The following MCRS1 variants were observed in gnomAD, a reference collection of about 807,000 sequenced individuals.
MCRS1 encodes microspherule protein 1, also known as 58 kDa microspherule protein.
Under a neutral mutation model 62.9 loss-of-function variants are expected in MCRS1, and 22 were observed. The ratio of observed to expected loss-of-function variants is 0.35; its 90% CI spans 0.25 to 0.50. The LOEUF (loss-of-function observed/expected upper bound fraction) is 0.50, where lower values mean the gene tolerates loss of function less well. MCRS1 is among the 20% of genes least tolerant of loss of function. The probability of loss-of-function intolerance (pLI) is 0.98; values close to 1 mark genes in which losing one functional copy is unlikely to be tolerated. For missense variants in MCRS1, 456 were observed against 601.1 expected, an observed-to-expected ratio of 0.76 and a Z score of 2.52; for synonymous variants, 244 against 233.5, an observed-to-expected ratio of 1.04 and a Z score of -0.41.
At chr12:49,565,776 A>G (rs1939026952) in intron 3 of MCRS1, 109 bp from the exon 4 acceptor site, 1 of 1,502,274 alleles carries the variant, frequency 6.7e-7, no homozygotes, top group African/African-American at 1.4e-5. Context: ...TATCTGCTCC[A>G]GCCTGCTTTC....
In MCRS1 at chr12:49,559,600, G is replaced by A. The variant is rs867674264; in HGVS notation, c.1004-65C>T. ...GCCAGAATGCAAGGCAGGGAACCAGGGCAAGGTTTATAAGGGAAGGGGGTC... is the reference window on the plus strand; with the variant it reads ...GCCAGAATGCAAGGCAGGGAACCAGAGCAAGGTTTATAAGGGAAGGGGGTC... On this transcript the variant is annotated intron_variant, in intron 11 of 14. Coordinates refer to ENST00000343810, the MANE Select transcript of MCRS1 (RefSeq NM_006337.5). The surrounding 1 kb of genome is among the most constrained non-coding windows in gnomAD (Gnocchi z 5.2). 1 of 1,599,226 alleles carries A rather than the reference G, an allele frequency of 6.3e-7. No individual in the cohort carries two copies. Among genetic ancestry groups the A allele is most frequent in the Middle Eastern group, 1.7e-4 (1 of 6,044 alleles).
Position 49,558,625 on chromosome 12 carries a change from G to A in MCRS1, c.*18C>T, listed in dbSNP as rs533884859. 10 of 1,609,402 alleles carry A rather than the reference G, an allele frequency of 6.2e-6. No homozygotes were observed. The highest frequency in any genetic ancestry group is 2.2e-5 in the East Asian group (1 of 44,832). ...GGGAAACAGGCCGGAGAGGGCCCAC[G>A]AGTCCTGCCACCACTCCTCACTGTG... On this transcript the variant is annotated 3_prime_UTR_variant, in exon 15 of 15. Coordinates refer to ENST00000343810, the MANE Select transcript of MCRS1 (RefSeq NM_006337.5).
chr12:49,565,199 T>A (rs1191104346), intron 4 of MCRS1: 4 of 985,262 alleles, frequency 4.1e-6, no homozygotes, highest in Non-Finnish European at 4.8e-6. Context: ...TGGTGCAGTG[T>A]CTAGGGCCAC....
chr12:49,565,732 GC>G (rs1302859046), intron 3 of MCRS1, 65 bp from the exon 4 acceptor site: 1 of 1,608,660 alleles, frequency 6.2e-7, no homozygotes, highest in Non-Finnish European at 8.5e-7. Flanking sequence ...CACACCCCCA[GC>G]CCCCAAAAGA....
At chr12:49,558,779 G>C (rs1938589738) in intron 14 of MCRS1, 50 bp from the exon 15 acceptor site, 1 of 1,613,526 alleles carries the variant, frequency 6.2e-7, no homozygotes, top group African/African-American at 1.3e-5. Flanking sequence ...CCAGGACCAA[G>C]TTGGTGTACT....
chr12:49,562,138 T>C (rs1399412078), intron 8 of MCRS1, among the ~76,000 whole-genome samples: 1 of 152,188 alleles, frequency 6.6e-6, no homozygotes, highest in East Asian at 1.9e-4. Context: ...TTTCCTAAAA[T>C]GCTCCTGCAG....
intron 7 of MCRS1, 73 bp downstream of exon 7, chr12:49,563,365 A>G: frequency 6.9e-7 from 1 of 1,458,272 alleles, no homozygotes; most frequent in Middle Eastern, 2.1e-4. Flanking sequence ...GGAGCTCTCC[A>G]CATCAGTGGT....
rs1431112547 is a variant in MCRS1 at position 49,564,462 on chromosome 12, G to A, written c.557+19C>T. The stretch of plus-strand genomic sequence containing the variant: ...GGTGTCCCAGTACCTCCCCACTGCT[G>A]GAACCAGCTCCCACTCACTTGGAGA... On this transcript the variant is annotated intron_variant, in intron 6 of 14. Coordinates refer to ENST00000343810, the MANE Select transcript of MCRS1 (RefSeq NM_006337.5). 3.1e-6 allele frequency: 5 copies of A among 1,599,236 alleles called. No individual in the cohort carries two copies. The highest frequency in any genetic ancestry group is 1.3e-5 in the African/African-American group (1 of 74,640).
Position 49,563,085 on chromosome 12 carries a change from C to G in MCRS1, c.721G>C (p.Ala241Pro). The change falls in exon 8 of 15, where the codon GCC (alanine) becomes CCC (proline). Residue 241 changes from alanine (A) to proline (P), a missense_variant. Ala to Pro is a conservative substitution (Grantham distance 27, BLOSUM62 -1). Around this residue, in one of 3 missense-constraint regions of MCRS1, gnomAD observed 393 missense variants for 523.5 expected, o/e 0.75. Transcript: ENST00000343810. ...TTCGCGGTACGGGCCAGGTAGAAGGCATCAGGGTGTCTGTGCAGCAGGTCC... is the reference window on the plus strand; with the variant it reads ...TTCGCGGTACGGGCCAGGTAGAAGGGATCAGGGTGTCTGTGCAGCAGGTCC... ...FQDLLHRHPD[A>P]FYLARTAKAL... The G allele has an allele frequency of 6.4e-7, 1 of 1,570,020 alleles. No individual in the cohort carries two copies. The highest frequency in any genetic ancestry group is 8.7e-7 in the Non-Finnish European group (1 of 1,155,658).
intron 6 of MCRS1, 109 bp downstream of exon 6, chr12:49,564,372 G>C (rs1218869035): frequency 1.1e-6 from 1 of 874,360 alleles, no homozygotes; most frequent in Non-Finnish European, 1.8e-6. Flanking sequence ...GCCTCCAGGA[G>C]TCCTGCCTCC....
At chr12:49,560,426 G>A (rs1938705295) in intron 8 of MCRS1, 56 bp from the exon 9 acceptor site, 5 of 1,540,748 alleles carry the variant, frequency 3.2e-6, no homozygotes, top group Non-Finnish European at 4.5e-6. Flanking sequence ...ACCCGATGCT[G>A]AGCGGACCAC....
chr12:49,559,878 T>G lies in MCRS1; in HGVS notation c.911-57A>C. ...CTCTGAGGCCACCAGCACCTTGTACTGGTCCTCTTGATTCTGGCAGGAGCT... is the reference window on the plus strand; with the variant it reads ...CTCTGAGGCCACCAGCACCTTGTACGGGTCCTCTTGATTCTGGCAGGAGCT... On this transcript the variant is annotated intron_variant, in intron 10 of 14. Transcript: ENST00000343810. This position sits in a 1 kb window ranked among gnomAD's most constrained non-coding sequence, Gnocchi z 5.2. The G allele has an allele frequency of 6.2e-7, 1 of 1,614,106 alleles. No homozygotes were observed. The highest frequency in any genetic ancestry group is 1.3e-5 in the African/African-American group (1 of 75,050).
Position 49,564,819 on chromosome 12 carries a change from C to T in MCRS1, c.365G>A (p.Ser122Asn), listed in dbSNP as rs1453909621. 2.5e-6 allele frequency: 4 copies of T among 1,614,122 alleles called. No homozygotes were observed. The highest frequency in any genetic ancestry group is 8.5e-7 in the Non-Finnish European group (1 of 1,179,998). Reference sequence around the variant, plus strand: ...CTTGGTCACCTGAAGTGGCTGTTTACTCTTCTTCACACGCTTGGTGAGTCC... The same window carrying T: ...CTTGGTCACCTGAAGTGGCTGTTTATTCTTCTTCACACGCTTGGTGAGTCC... Reference protein sequence around the residue: ...APGLTKRVKKSKQPLQVTKDL... With the variant: ...APGLTKRVKKNKQPLQVTKDL... Residue 122 changes from serine (S) to asparagine (N), a missense_variant, in exon 5 of 15, where the codon AGT becomes AAT. Ser to Asn is a conservative substitution (Grantham distance 46). Around this residue, in one of 3 missense-constraint regions of MCRS1, gnomAD observed 393 missense variants for 523.5 expected, o/e 0.75. Coordinates refer to ENST00000343810, the MANE Select transcript of MCRS1 (RefSeq NM_006337.5).
intron 6 of MCRS1, 148 bp downstream of exon 6, chr12:49,564,333 C>T (rs146513436): frequency 0.018 from 10,938 of 620,846 alleles, 130 homozygotes; most frequent in Middle Eastern, 0.022. Flanking sequence ...TCTTTGAAGC[C>T]TCTCAGGCCT....
rs200958382 is a variant in MCRS1 at position 49,566,052 on chromosome 12, T to C, written c.149+25A>G. 5.7e-4 allele frequency: 916 copies of C among 1,606,704 alleles called. 2 individuals are homozygous for C. The highest frequency in any genetic ancestry group is 2.3e-3 in the Admixed American group (137 of 58,894). ...CACAGACCTTCTACCCTTTCCCAGTTCCTGGCCCTCCGAACCCTTACTACC... is the reference window on the plus strand; with the variant it reads ...CACAGACCTTCTACCCTTTCCCAGTCCCTGGCCCTCCGAACCCTTACTACC... On this transcript the variant is annotated intron_variant, in intron 3 of 14. Coordinates refer to ENST00000343810, the MANE Select transcript of MCRS1 (RefSeq NM_006337.5).
chr12:49,564,618 A>C, intron 5 of MCRS1, 28 bp from the exon 6 acceptor site: 1 of 1,609,302 alleles, frequency 6.2e-7, no homozygotes, highest in Non-Finnish European at 8.5e-7. Context: ...GATTTGCTCC[A>C]GCCTTGGAGC....
chr12:49,559,415 G>C lies in MCRS1; in HGVS notation c.1086+38C>G. 1 of 1,612,982 alleles carries C rather than the reference G, an allele frequency of 6.2e-7. No homozygotes were observed. The highest frequency in any genetic ancestry group is 1.3e-5 in the African/African-American group (1 of 75,046). On this transcript the variant is annotated intron_variant, in intron 12 of 14. Coordinates refer to ENST00000343810, the MANE Select transcript of MCRS1 (RefSeq NM_006337.5). This position sits in a 1 kb window ranked among gnomAD's most constrained non-coding sequence, Gnocchi z 5.2. ...TACGCAGAGAAAGGCACTGACAGAGGAAGCAGCCTAAGAAGGGCGGGGATG... is the reference window on the plus strand; with the variant it reads ...TACGCAGAGAAAGGCACTGACAGAGCAAGCAGCCTAAGAAGGGCGGGGATG...
Position 49,559,851 on chromosome 12 carries a change from T to A in MCRS1, c.911-30A>T, listed in dbSNP as rs768851114. Reference sequence around the variant, plus strand: ...GGTGAGGTGGGGTGGTAAGGAGGGATGCTCTGAGGCCACCAGCACCTTGTA... The same window carrying A: ...GGTGAGGTGGGGTGGTAAGGAGGGAAGCTCTGAGGCCACCAGCACCTTGTA... On this transcript the variant is annotated intron_variant, in intron 10 of 14. Coordinates refer to ENST00000343810, the MANE Select transcript of MCRS1 (RefSeq NM_006337.5). The surrounding 1 kb of genome is among the most constrained non-coding windows in gnomAD (Gnocchi z 5.2). The A allele has an allele frequency of 1.2e-5, 20 of 1,614,126 alleles. No homozygotes were observed. The highest frequency in any genetic ancestry group is 1.5e-5 in the Non-Finnish European group (18 of 1,179,970).
At chr12:49,565,109 C>A (rs892061858) in intron 4 of MCRS1, 17 of 985,422 alleles carry the variant, frequency 1.7e-5, no homozygotes, top group Non-Finnish European at 2.0e-5. Flanking sequence ...CTTGACCATA[C>A]GGGGTCTTCT....
Sources: allele counts gnomAD v4.1 joint callset (sites outside exome capture counted in the v4.1 genomes callset), GRCh38; gene constraint gnomAD v4.1.1; regional missense constraint gnomAD v4.1.1; non-coding constraint Gnocchi (gnomAD v3.1); transcripts MANE v1.5; gene names NCBI Gene and HGNC (gene_info 2026-07-23, HGNC 2026-07-21).